The following DPP10 variants were observed in gnomAD, a reference collection of about 807,000 sequenced individuals.
The protein encoded by DPP10 is inactive dipeptidyl peptidase 10.
In DPP10, 33 loss-of-function variants were observed where a neutral mutation model predicts 120.9. The ratio of observed to expected loss-of-function variants is 0.27; its 90% CI spans 0.21 to 0.37. The LOEUF (loss-of-function observed/expected upper bound fraction) is 0.37, where lower values mean the gene tolerates loss of function less well. Among genes scored for constraint, DPP10 ranks in the 10% least tolerant of loss-of-function variants. The pLI is 1.00. For missense variants in DPP10, 816 were observed against 942.8 expected (o/e 0.87, Z 1.76); for synonymous variants, 337 against 326.1 (o/e 1.03, Z -0.36).
At chr2:115,640,856 T>C (rs955038827) in intron 5 of DPP10, among the ~76,000 whole-genome samples, 1 of 152,208 alleles carries the variant, frequency 6.6e-6, no homozygotes, top group Non-Finnish European at 1.5e-5. Context: ...TATACACCGA[T>C]GTTACAAACA....
At chr2:114,488,265 T>A (rs1031559387) in intron 1 of DPP10, among the ~76,000 whole-genome samples, 1 of 152,180 alleles carries the variant, frequency 6.6e-6, no homozygotes, top group Non-Finnish European at 1.5e-5. Context: ...CTTCCTGGGT[T>A]TGAAGCTAGG....
chr2:115,526,375 C>G (rs552788095), intron 5 of DPP10: 1 of 154,884 alleles, frequency 6.5e-6, no homozygotes, highest in South Asian at 2.1e-4. Context: ...ATTGGGAAGG[C>G]AACTGCTGAA....
chr2:115,418,922 G>T (rs2069682213), intron 3 of DPP10, among the ~76,000 whole-genome samples: 1 of 152,108 alleles, frequency 6.6e-6, no homozygotes, highest in Non-Finnish European at 1.5e-5. Flanking sequence ...AGGCAGTCTG[G>T]GGGCAATATT....
At position 115,191,504 on chromosome 2, in the gene DPP10, G is replaced by A. The variant is rs2054878817; in HGVS notation, c.61-117735G>A. On this transcript the variant is annotated intron_variant, in intron 1 of 25. Coordinates refer to ENST00000410059, the MANE Select transcript of DPP10 (RefSeq NM_020868.6). ...TAATAGTTTGAGGCAGAATTGACGT[G>A]GTTACGTTAATAAGTAGGTGACCAG... 2.0e-5 allele frequency among the ~76,000 whole-genome samples: 3 copies of A among 152,334 alleles called. No individual in the cohort carries two copies. In the South Asian group the frequency reaches 6.2e-4, roughly 32 times the overall value.
At chr2:114,586,592 C>T (rs1573725250) in intron 1 of DPP10, among the ~76,000 whole-genome samples, 1 of 152,212 alleles carries the variant, frequency 6.6e-6, no homozygotes, top group East Asian at 1.9e-4. Context: ...ATTAAGTTGT[C>T]TGGTTCCTAA....
chr2:114,790,703 T>G (rs1683165571), intron 1 of DPP10, among the ~76,000 whole-genome samples: 2 of 152,296 alleles, frequency 1.3e-5, no homozygotes, highest in African/African-American at 4.8e-5. Context: ...GGGTGCTTTT[T>G]GAGCCAGGAT....
At chr2:115,192,146 A>G (rs986915425) in intron 1 of DPP10, among the ~76,000 whole-genome samples, 2 of 152,222 alleles carry the variant, frequency 1.3e-5, no homozygotes, top group African/African-American at 4.8e-5. Flanking sequence ...GAGTCCTGTT[A>G]TCTGAAGCAA....
intron 1 of DPP10, among the ~76,000 whole-genome samples, chr2:114,969,891 T>A (rs1382743726): frequency 6.6e-6 from 1 of 152,136 alleles, no homozygotes; most frequent in Admixed American, 6.5e-5. Flanking sequence ...TAAATTACGA[T>A]CTAATCAAGA....
chr2:115,573,220 G>A (rs937068246), intron 5 of DPP10, among the ~76,000 whole-genome samples: 42 of 151,608 alleles, frequency 2.8e-4, no homozygotes, highest in Non-Finnish European at 5.9e-5. Context: ...AATTCTTACT[G>A]CTGAAGTACT....
At chr2:115,799,791 T>G (rs987315091) in intron 19 of DPP10, among the ~76,000 whole-genome samples, 1 of 151,946 alleles carries the variant, frequency 6.6e-6, no homozygotes, top group African/African-American at 2.4e-5. Flanking sequence ...TGCATAGTAT[T>G]CCATGGTGTA....
At chr2:115,692,946 G>GA (rs2091395712) in intron 7 of DPP10, among the ~76,000 whole-genome samples, 1 of 152,008 alleles carries the variant, frequency 6.6e-6, no homozygotes, top group East Asian at 1.9e-4. Flanking sequence ...CCTTTCATTG[G>GA]AAAATAATCT....
At chr2:115,641,514 T>G (rs189599150) in intron 5 of DPP10, among the ~76,000 whole-genome samples, 1 of 151,986 alleles carries the variant, frequency 6.6e-6, no homozygotes, top group Non-Finnish European at 1.5e-5. Context: ...CCTACATAAA[T>G]GAACCCCACT....
chr2:114,941,899 G>GA (rs1168267741), intron 1 of DPP10, among the ~76,000 whole-genome samples: 1 of 152,024 alleles, frequency 6.6e-6, no homozygotes, highest in Non-Finnish European at 1.5e-5. Context: ...AAGGCTTTGG[G>GA]AAAAACATGA....
chr2:115,478,979 G>A (rs1015287396), intron 3 of DPP10, among the ~76,000 whole-genome samples: 2 of 152,170 alleles, frequency 1.3e-5, no homozygotes, highest in East Asian at 1.9e-4. Context: ...TATAGCTGCT[G>A]TGGGAAACAG....
intron 1 of DPP10, among the ~76,000 whole-genome samples, chr2:115,265,547 T>C (rs2059423386): frequency 6.6e-6 from 1 of 152,076 alleles, no homozygotes. Context: ...TCACAAATAA[T>C]AATAACCTTA....
intron 1 of DPP10, among the ~76,000 whole-genome samples, chr2:115,034,843 C>T (rs17043916): frequency 0.12 from 17,530 of 152,188 alleles, 1,036 homozygotes; most frequent in East Asian, 0.15. Context: ...TGCTTTAGTT[C>T]TTTCAGGCTG....
intron 1 of DPP10, among the ~76,000 whole-genome samples, chr2:114,513,495 T>C (rs887783805): frequency 8.0e-6 from 1 of 124,942 alleles, no homozygotes; most frequent in African/African-American, 3.2e-5. Flanking sequence ...CACTCCAGCC[T>C]GGGCAACAAG....
rs546681267 is a variant in DPP10, at chr2:115,284,188, A to G, written c.61-25051A>G. 4.1e-3 allele frequency among the ~76,000 whole-genome samples: 629 copies of G among 152,174 alleles called. 3 individuals carry two copies. Among genetic ancestry groups the G allele is most frequent in the South Asian group, 0.016 (75 of 4,824 alleles). ...AGGAGAATTCACATTAGTTTACTGA[A>G]AAAAACACAGTGTAGTTTTATGAAA... On this transcript the variant is annotated intron_variant, in intron 1 of 25. Transcript: ENST00000410059.
intron 13 of DPP10, among the ~76,000 whole-genome samples, chr2:115,772,030 C>G (rs940142770): frequency 2.0e-5 from 3 of 151,174 alleles, no homozygotes; most frequent in African/African-American, 7.3e-5. Flanking sequence ...AAGAGCTGTC[C>G]TTGTTAAAGT....
Sources: allele counts gnomAD v4.1 joint callset (sites outside exome capture counted in the v4.1 genomes callset), GRCh38; gene constraint gnomAD v4.1.1; transcripts MANE v1.5; gene names NCBI Gene and HGNC (gene_info 2026-07-23, HGNC 2026-07-21).